UNC5D: variants seen among roughly 807,000 people sequenced by gnomAD.
The protein encoded by UNC5D is netrin receptor UNC5D.
A neutral mutation model predicts 105.4 loss-of-function variants in UNC5D; 39 were observed. The observed-to-expected ratio is 0.37, with a 90% CI of 0.29 to 0.48. The LOEUF (loss-of-function observed/expected upper bound fraction) is 0.48. UNC5D is among the 20% of genes least tolerant of loss of function. The pLI is 0.98. For missense variants in UNC5D, 991 were observed against 1,202.4 expected, an observed-to-expected ratio of 0.82 and a Z score of 2.60; for synonymous variants, 452 against 450.4, an observed-to-expected ratio of 1.00 and a Z score of -0.04.
intron 4 of UNC5D, among the ~76,000 whole-genome samples, chr8:35,606,923 G>C (rs757952825): frequency 1.3e-5 from 2 of 152,160 alleles, no homozygotes; most frequent in African/African-American, 4.8e-5. Flanking sequence ...CTGGCTTCTA[G>C]GAGGTGAGCA....
At chr8:35,283,142 T>A (rs1806317377) in intron 1 of UNC5D, among the ~76,000 whole-genome samples, 1 of 152,124 alleles carries the variant, frequency 6.6e-6, no homozygotes. Context: ...AAAAGAAAAT[T>A]AAAGCAAAAC....
At chr8:35,614,718 C>T (rs1021349938) in intron 4 of UNC5D, among the ~76,000 whole-genome samples, 2 of 151,960 alleles carry the variant, frequency 1.3e-5, no homozygotes, top group Non-Finnish European at 2.9e-5. Context: ...GTCTACAGCC[C>T]AAATACCCTC....
chr8:35,321,406 G>T (rs1310274757), intron 1 of UNC5D, among the ~76,000 whole-genome samples: 2 of 152,146 alleles, frequency 1.3e-5, no homozygotes, highest in Admixed American at 1.3e-4. Flanking sequence ...TCTCGTGGTA[G>T]TGAGTGAGTC....
intron 3 of UNC5D, among the ~76,000 whole-genome samples, chr8:35,576,649 G>A (rs191015118): frequency 3.3e-5 from 5 of 152,240 alleles, no homozygotes; most frequent in Admixed American, 3.3e-4. Context: ...GTCTCACTCT[G>A]TCACCCAGGC....
At chr8:35,483,870 A>G (rs1431058672) in intron 1 of UNC5D, among the ~76,000 whole-genome samples, 1 of 152,174 alleles carries the variant, frequency 6.6e-6, no homozygotes, top group Non-Finnish European at 1.5e-5. Flanking sequence ...TTCTTTAGGC[A>G]GTCACTTAGG....
intron 16 of UNC5D, among the ~76,000 whole-genome samples, chr8:35,775,835 T>C (rs1802221441): frequency 6.6e-6 from 1 of 151,978 alleles, no homozygotes; most frequent in Admixed American, 6.6e-5. Context: ...GAGAGGAAAG[T>C]CAAGACGGAG....
At chr8:35,451,041 CT>C (rs11368288) in intron 1 of UNC5D, among the ~76,000 whole-genome samples, 84,218 of 104,002 alleles carry the variant, frequency 0.81, 33,238 homozygotes, top group South Asian at 0.89. Flanking sequence ...TAATAATAAT[CT>C]TTTTTTTTTT....
At chr8:35,535,358 C>G (rs779704755) in intron 1 of UNC5D, among the ~76,000 whole-genome samples, 3 of 152,010 alleles carry the variant, frequency 2.0e-5, no homozygotes, top group Non-Finnish European at 2.9e-5. Context: ...CCAGGCTTCA[C>G]CTCAGTACAA....
intron 1 of UNC5D, among the ~76,000 whole-genome samples, chr8:35,430,145 G>C (rs561214340): frequency 1.3e-5 from 2 of 152,096 alleles, no homozygotes; most frequent in Non-Finnish European, 1.5e-5. Context: ...AGAGGATTGG[G>C]ACTTTCAGCC....
At chr8:35,316,274 A>G (rs1354514407) in intron 1 of UNC5D, among the ~76,000 whole-genome samples, 2 of 152,202 alleles carry the variant, frequency 1.3e-5, no homozygotes, top group African/African-American at 4.8e-5. Context: ...CACATTTAGG[A>G]AAGCACAATC....
At chr8:35,386,508 G>A (rs1803407868) in intron 1 of UNC5D, among the ~76,000 whole-genome samples, 1 of 152,036 alleles carries the variant, frequency 6.6e-6, no homozygotes, top group African/African-American at 2.4e-5. Context: ...AAGGGAAATC[G>A]ACTAAAAGCC....
chr8:35,606,179 G>C (rs570270423), intron 4 of UNC5D, among the ~76,000 whole-genome samples: 1 of 151,602 alleles, frequency 6.6e-6, no homozygotes, highest in African/African-American at 2.4e-5. Flanking sequence ...GTAGAGATGG[G>C]GTTTCACCAC....
At chr8:35,685,781 A>T (rs1454907960) in intron 6 of UNC5D, among the ~76,000 whole-genome samples, 1 of 152,148 alleles carries the variant, frequency 6.6e-6, no homozygotes, top group Non-Finnish European at 1.5e-5. Context: ...CAAGACAAGG[A>T]CTCAGACATT....
chr8:35,679,382 T>G (rs1304813254), intron 4 of UNC5D, among the ~76,000 whole-genome samples: 4 of 152,084 alleles, frequency 2.6e-5, no homozygotes, highest in Non-Finnish European at 5.9e-5. Flanking sequence ...GACCTGAGAT[T>G]TAAATGCAAA....
chr8:35,249,966 T>C (rs1803581087), intron 1 of UNC5D, among the ~76,000 whole-genome samples: 2 of 152,086 alleles, frequency 1.3e-5, no homozygotes, highest in African/African-American at 4.8e-5. Flanking sequence ...ACATCTGTAG[T>C]ATTTTCACCT....
At chr8:35,386,865 TTTA>T (rs1370010487) in intron 1 of UNC5D, among the ~76,000 whole-genome samples, 1 of 152,178 alleles carries the variant, frequency 6.6e-6, no homozygotes, top group Non-Finnish European at 1.5e-5. Context: ...CTTTGCTTTT[TTTA>T]TTTTTTATTT....
intron 1 of UNC5D, chr8:35,255,436 A>ATT (rs1383400761): frequency 6.6e-6 from 1 of 151,264 alleles, no homozygotes; most frequent in Non-Finnish European, 1.5e-5. Context: ...AACCAACATC[A>ATT]TTTTTTTTTA....
At chr8:35,289,491 G>A (rs988802908) in intron 1 of UNC5D, among the ~76,000 whole-genome samples, 4 of 152,090 alleles carry the variant, frequency 2.6e-5, no homozygotes. Context: ...TTGTAATTTA[G>A]ATCAAATAGA....
intron 1 of UNC5D, among the ~76,000 whole-genome samples, chr8:35,439,023 A>G (rs1209041278): frequency 6.6e-6 from 1 of 151,724 alleles, no homozygotes; most frequent in African/African-American, 2.4e-5. Flanking sequence ...GCTCTGGTTC[A>G]TACATTGATT....
Sources: gnomAD v4.1 joint callset for allele counts (sites outside exome capture counted in the v4.1 genomes callset) on GRCh38, gnomAD v4.1.1 for gene constraint, MANE v1.5 for transcripts, NCBI Gene and HGNC (gene_info 2026-07-23, HGNC 2026-07-21) for gene names.